The following DAPK2 variants were observed in gnomAD, a reference collection of about 807,000 sequenced individuals.
The protein encoded by DAPK2 is death associated protein kinase 2.
DAPK2 carries 35 observed loss-of-function variants against 44.1 expected under a neutral mutation model. The observed-to-expected ratio is 0.79, with a 90% CI of 0.61 to 1.05. The LOEUF is 1.05. Among genes scored for constraint, DAPK2 ranks in the 50% least tolerant of loss-of-function variants. The pLI, the probability that DAPK2 is intolerant of heterozygous loss-of-function variation, is 0.00. For synonymous variants in DAPK2, 174 were observed against 182.6 expected (o/e 0.95, Z 0.38); for missense variants, 453 against 483.2 (o/e 0.94, Z 0.59).
chr15:64,030,924 G>A (rs551683801), intron 1 of DAPK2, among the ~76,000 whole-genome samples: 53 of 151,742 alleles, frequency 3.5e-4, no homozygotes, highest in African/African-American at 1.1e-3. Flanking sequence ...CTGTGGTTGC[G>A]CCATTGCATT....
At chr15:64,040,440 T>G (rs2080322135), upstream of DAPK2, among the ~76,000 whole-genome samples, 1 of 152,142 alleles carries the variant, frequency 6.6e-6, no homozygotes, top group Admixed American at 6.5e-5. Flanking sequence ...CAGCTGATGA[T>G]GTATGGTTCT....
intron 8 of DAPK2, among the ~76,000 whole-genome samples, chr15:63,914,532 A>C (rs531054122): frequency 1.3e-5 from 2 of 152,158 alleles, no homozygotes; most frequent in Non-Finnish European, 2.9e-5. Flanking sequence ...AGGGAGGCAC[A>C]AAAGTGGATG....
At chr15:63,961,453 T>C (rs2077898010) in intron 3 of DAPK2, among the ~76,000 whole-genome samples, 1 of 152,258 alleles carries the variant, frequency 6.6e-6, no homozygotes, top group Admixed American at 6.5e-5. Context: ...GTCTTTACAA[T>C]TTGGCATGTT....
At chr15:64,012,835 G>T (rs1050606582) in intron 1 of DAPK2, among the ~76,000 whole-genome samples, 2 of 152,146 alleles carry the variant, frequency 1.3e-5, no homozygotes, top group Admixed American at 6.5e-5. Flanking sequence ...ATTTGATTTT[G>T]TTATTAACTG....
intron 3 of DAPK2, among the ~76,000 whole-genome samples, chr15:63,959,423 G>C (rs2077822174): frequency 6.6e-6 from 1 of 152,148 alleles, no homozygotes; most frequent in Non-Finnish European, 1.5e-5. Flanking sequence ...GGGCATTCCT[G>C]TCTTGTGCCA....
chr15:63,957,786 T>C (rs990284131), intron 3 of DAPK2, among the ~76,000 whole-genome samples: 2 of 152,196 alleles, frequency 1.3e-5, no homozygotes, highest in Non-Finnish European at 2.9e-5. Flanking sequence ...TTCCAAGTCT[T>C]TGCTGTTGTG....
chr15:63,936,074 C>T (rs939148788), intron 4 of DAPK2: 1 of 151,896 alleles, frequency 6.6e-6, no homozygotes, highest in Admixed American at 6.6e-5. Context: ...ATTTATATTC[C>T]ACTAGTGTAT....
At chr15:63,985,771 C>T (rs894257180) in intron 1 of DAPK2, among the ~76,000 whole-genome samples, 2 of 152,246 alleles carry the variant, frequency 1.3e-5, no homozygotes, top group Non-Finnish European at 2.9e-5. Flanking sequence ...CTAAACATTT[C>T]AGGCCATGTT....
rs1555484560 is a variant in DAPK2, at chr15:64,036,334, TATAC to T, written c.92+3832_92+3835del. ...GTATATATATGTATATATATATATA[TATAC>T]ATATATATATATATATTTTAGTTAA... On this transcript the variant is annotated intron_variant, in intron 1 of 10. Transcript: ENST00000261891. 2.4e-5 allele frequency among the ~76,000 whole-genome samples: 3 copies of T among 125,710 alleles called. 1 individual carries two copies. The highest frequency in any genetic ancestry group is 2.4e-4 in the South Asian group (1 of 4,218). 82.5% of individuals were successfully genotyped at this position (125,710 alleles called of 152,430 possible). A position where few individuals can be genotyped will look rare whatever the true frequency, so the allele number is the denominator to read the frequency against.
At chr15:64,002,882 G>A (rs1207325337) in intron 1 of DAPK2, among the ~76,000 whole-genome samples, 1 of 151,878 alleles carries the variant, frequency 6.6e-6, no homozygotes, top group African/African-American at 2.4e-5. Context: ...AGCAGAGGGA[G>A]GAGGAGAGAG....
chr15:63,939,184 C>T lies in DAPK2; in HGVS notation c.583+48G>A. ...ACAGGTTTCTTCCCAGGATCCCTAC[C>T]TTTGATGCCAGATTCTTAGCTGAAA... On this transcript the variant is annotated intron_variant, in intron 4 of 10. Coordinates refer to ENST00000261891, the Ensembl canonical transcript of DAPK2. The surrounding 1 kb of genome is among the most constrained non-coding windows in gnomAD (Gnocchi z 4.3). 4 of 1,607,728 alleles carry T rather than the reference C, an allele frequency of 2.5e-6. No individual in the cohort carries two copies. Among genetic ancestry groups the T allele is most frequent in the Non-Finnish European group, 2.6e-6 (3 of 1,176,420 alleles).
intron 3 of DAPK2, among the ~76,000 whole-genome samples, chr15:63,961,999 T>A (rs1184105204): frequency 6.6e-6 from 1 of 152,202 alleles, no homozygotes; most frequent in Non-Finnish European, 1.5e-5. Context: ...GTAGATTTGG[T>A]CTTTTCACGT....
intron 1 of DAPK2, among the ~76,000 whole-genome samples, chr15:64,002,088 C>T (rs1230270148): frequency 6.6e-6 from 1 of 152,172 alleles, no homozygotes; most frequent in Admixed American, 6.5e-5. Flanking sequence ...CTCTCAAATC[C>T]TTGGGAGGCT....
At position 63,966,887 on chromosome 15, in the gene DAPK2, C is replaced by T. The variant is rs2078067878; in HGVS notation, c.453+4536G>A. ...CTCTTTCTGTGATATGAAATTAAAACCAGGTACTGTGGGCCGGGCGCAGTG... is the reference window on the plus strand; with the variant it reads ...CTCTTTCTGTGATATGAAATTAAAATCAGGTACTGTGGGCCGGGCGCAGTG... On this transcript the variant is annotated intron_variant, in intron 3 of 10. Transcript: ENST00000261891. This position sits in a 1 kb window ranked among gnomAD's most constrained non-coding sequence, Gnocchi z 5.5. 6.6e-6 allele frequency among the ~76,000 whole-genome samples: 1 copy of T among 152,086 alleles called. No homozygotes were observed.
At position 64,007,869 on chromosome 15, in the gene DAPK2, T is replaced by C. The variant is rs563868489; in HGVS notation, c.93-24115A>G. Among the ~76,000 whole-genome samples the C allele has an allele frequency of 2.6e-5, 4 of 152,352 alleles. No individual in the cohort carries two copies. The South Asian group carries it at 8.3e-4, about 32-fold the overall frequency. On this transcript the variant is annotated intron_variant, in intron 1 of 10. Coordinates refer to ENST00000261891, the Ensembl canonical transcript of DAPK2. ...AGGAAAAAAGTACTGATCCATGCTA[T>C]ATCATGGATGGACCTTGAAAATACT...
chr15:64,034,343 T>A (rs966854993), intron 1 of DAPK2, among the ~76,000 whole-genome samples: 29 of 152,162 alleles, frequency 1.9e-4, no homozygotes, highest in Admixed American at 7.9e-4. Context: ...GAGACTCCAG[T>A]CTGTCTACCC....
chr15:64,001,507 G>A (rs2079083808), intron 1 of DAPK2, among the ~76,000 whole-genome samples: 1 of 152,196 alleles, frequency 6.6e-6, no homozygotes, highest in Non-Finnish European at 1.5e-5. Flanking sequence ...AGGATGGGAA[G>A]GAAGTGGGGC....
intron 1 of DAPK2, among the ~76,000 whole-genome samples, chr15:64,016,225 T>G (rs1424385917): frequency 6.6e-6 from 1 of 152,216 alleles, no homozygotes; most frequent in Non-Finnish European, 1.5e-5. Context: ...CATGGTCCTG[T>G]CCACCTCTCC....
chr15:64,016,180 G>A (rs1298499701), intron 1 of DAPK2, among the ~76,000 whole-genome samples: 5 of 152,176 alleles, frequency 3.3e-5, no homozygotes, highest in Admixed American at 6.5e-5. Flanking sequence ...CCACCAGCAG[G>A]ACACACGGCC....
Sources: gnomAD v4.1 joint callset for allele counts (sites outside exome capture counted in the v4.1 genomes callset) on GRCh38, gnomAD v4.1.1 for gene constraint, Gnocchi (gnomAD v3.1) non-coding constraint, MANE v1.5 for transcripts, NCBI Gene and HGNC (gene_info 2026-07-23, HGNC 2026-07-21) for gene names.